Variants in ARB2A observed in about 807,000 individuals in gnomAD.
The protein encoded by ARB2A is cotranscriptional regulator ARB2A.
At chr5:93,811,029 G>T in the ARB2A span, among the ~76,000 whole-genome samples, 1 of 152,090 alleles carries the variant, frequency 6.6e-6, no homozygotes, top group Non-Finnish European at 1.5e-5. Flanking sequence ...CTGGTACTTG[G>T]TAGGTGCTAT....
chr5:94,069,432 T>C, the ARB2A span, among the ~76,000 whole-genome samples: 1 of 152,030 alleles, frequency 6.6e-6, no homozygotes, highest in Non-Finnish European at 1.5e-5. Context: ...AAAAGACAAA[T>C]GGGACTACAT....
chr5:93,965,570 G>A, the ARB2A span, among the ~76,000 whole-genome samples: 9 of 151,966 alleles, frequency 5.9e-5, no homozygotes, highest in Admixed American at 2.6e-4. Context: ...TTCTGTTAAG[G>A]AAGGCAAAGA....
chr5:94,099,352 C>T, the ARB2A span, among the ~76,000 whole-genome samples: 5 of 151,940 alleles, frequency 3.3e-5, no homozygotes, highest in South Asian at 4.1e-4. Flanking sequence ...TGGCTGGGCA[C>T]GGTGGCTCAT....
At chr5:93,915,629 C>A in the ARB2A span, among the ~76,000 whole-genome samples, 4 of 151,950 alleles carry the variant, frequency 2.6e-5, no homozygotes, top group South Asian at 8.3e-4. Flanking sequence ...ATAACTTTCA[C>A]ACAAACATAT....
At chr5:93,704,655 C>T in the ARB2A span, among the ~76,000 whole-genome samples, 8 of 152,210 alleles carry the variant, frequency 5.3e-5, no homozygotes, top group African/African-American at 1.9e-4. Context: ...TCCCTTAGCA[C>T]TGCTATTACT....
chr5:94,013,296 GC>G, the ARB2A span, among the ~76,000 whole-genome samples: 1 of 149,702 alleles, frequency 6.7e-6, no homozygotes, highest in Admixed American at 6.7e-5. Context: ...TTCTGCCTCA[GC>G]CTCCTGAGTA....
At chr5:93,784,471 T>C in the ARB2A span, 58 of 1,612,682 alleles carry the variant, frequency 3.6e-5, no homozygotes, top group Admixed American at 6.7e-5. Context: ...AGTTACCTTA[T>C]TTTTTACATC....
chr5:93,795,035 CT>C, the ARB2A span, among the ~76,000 whole-genome samples: 2 of 152,068 alleles, frequency 1.3e-5, no homozygotes, highest in African/African-American at 4.8e-5. Flanking sequence ...TGACCTTTGT[CT>C]TTGGCTACCA....
the ARB2A span, among the ~76,000 whole-genome samples, chr5:94,109,108 G>C: frequency 6.6e-6 from 1 of 152,122 alleles, no homozygotes; most frequent in Non-Finnish European, 1.5e-5. Context: ...ACCTTAAAAA[G>C]AACATTCTGA....
the ARB2A span, among the ~76,000 whole-genome samples, chr5:94,001,756 G>T: frequency 6.6e-6 from 1 of 151,900 alleles, no homozygotes; most frequent in Non-Finnish European, 1.5e-5. Context: ...TATTAATCAT[G>T]GTTGTTTAAA....
the ARB2A span, among the ~76,000 whole-genome samples, chr5:93,819,752 T>C: frequency 2.0e-5 from 3 of 152,194 alleles, no homozygotes; most frequent in Non-Finnish European, 2.9e-5. Flanking sequence ...CCAGGCAATT[T>C]AAAAAAATCT....
chr5:93,744,046 AATGAATTAGAAAACAT>A, the ARB2A span, among the ~76,000 whole-genome samples: 2 of 152,218 alleles, frequency 1.3e-5, no homozygotes, highest in Non-Finnish European at 2.9e-5. Context: ...AAATATTTTT[AATGAATTAGAAAACAT>A]GAGTTCAAAT....
the ARB2A span, among the ~76,000 whole-genome samples, chr5:94,004,686 G>T: frequency 6.6e-6 from 1 of 151,818 alleles, no homozygotes; most frequent in African/African-American, 2.4e-5. Context: ...ATTATTCCTG[G>T]TAGTTATGGT....
the ARB2A span, among the ~76,000 whole-genome samples, chr5:93,769,934 T>C: frequency 1.3e-5 from 2 of 152,152 alleles, no homozygotes; most frequent in Admixed American, 1.3e-4. Flanking sequence ...AGGAAAGAAA[T>C]GGTCAGAGGA....
chr5:93,913,923 C>T, the ARB2A span, among the ~76,000 whole-genome samples: 1 of 151,848 alleles, frequency 6.6e-6, no homozygotes, highest in Non-Finnish European at 1.5e-5. Flanking sequence ...ATTAATAATA[C>T]AATAGACAGA....
chr5:94,102,773 G>A, the ARB2A span, among the ~76,000 whole-genome samples: 1 of 151,918 alleles, frequency 6.6e-6, no homozygotes, highest in African/African-American at 2.4e-5. Flanking sequence ...AAAAAGAAGG[G>A]AGAGGTCACC....
At chr5:93,697,113 C>T in the ARB2A span, among the ~76,000 whole-genome samples, 2 of 150,776 alleles carry the variant, frequency 1.3e-5, no homozygotes, top group African/African-American at 2.4e-5. Flanking sequence ...TAGATCTTCC[C>T]GTCGTAGTGA....
At chr5:93,683,833 G>C in the ARB2A span, among the ~76,000 whole-genome samples, 1 of 151,986 alleles carries the variant, frequency 6.6e-6, no homozygotes, top group Non-Finnish European at 1.5e-5. Context: ...TTTTTTTAAA[G>C]ATATATATTT....
the ARB2A span, among the ~76,000 whole-genome samples, chr5:93,677,761 A>G: frequency 6.6e-6 from 1 of 152,144 alleles, no homozygotes; most frequent in African/African-American, 2.4e-5. Flanking sequence ...GCTCCCACCA[A>G]TTGAGCCTTA....
Sources: allele counts gnomAD v4.1 joint callset (sites outside exome capture counted in the v4.1 genomes callset), GRCh38; gene constraint gnomAD v4.1.1; transcripts MANE v1.5; gene names NCBI Gene and HGNC (gene_info 2026-07-23, HGNC 2026-07-21).